Variants in PLCB4 observed in about 807,000 individuals in gnomAD.
PLCB4 encodes phospholipase C beta 4, also known as 1-phosphatidylinositol 4,5-bisphosphate phosphodiesterase beta-4.
A neutral mutation model predicts 178.8 loss-of-function variants in PLCB4; 77 were observed. That is an observed-to-expected ratio of 0.43 (90% confidence interval 0.36 to 0.52). The LOEUF is 0.52. PLCB4 is among the 20% of genes least tolerant of loss of function. The pLI, the probability that PLCB4 is intolerant of heterozygous loss-of-function variation, is 0.00. For missense variants in PLCB4, 1,024 were observed against 1,453.4 expected (o/e 0.70, Z 4.80); for synonymous variants, 496 against 490.8 (o/e 1.01, Z -0.14).
intron 27 of PLCB4, among the ~76,000 whole-genome samples, chr20:9,421,889 C>G (rs964244764): frequency 6.6e-6 from 1 of 152,190 alleles, no homozygotes; most frequent in Admixed American, 6.5e-5. Context: ...TCCTGTCTCT[C>G]CTGAAAGAGT....
At chr20:9,107,562 C>G (rs998372115) in intron 2 of PLCB4, among the ~76,000 whole-genome samples, 1 of 152,042 alleles carries the variant, frequency 6.6e-6, no homozygotes, top group African/African-American at 2.4e-5. Context: ...ATGCCAATGC[C>G]ATAAGGCAGA....
intron 3 of PLCB4, among the ~76,000 whole-genome samples, chr20:9,227,218 A>G (rs1355721795): frequency 6.6e-6 from 1 of 151,480 alleles, no homozygotes; most frequent in East Asian, 1.9e-4. Context: ...TCCTTTTCAG[A>G]TATATGACTT....
chr20:9,093,137 G>A (rs1318823727), intron 1 of PLCB4, among the ~76,000 whole-genome samples: 1 of 152,116 alleles, frequency 6.6e-6, no homozygotes, highest in Non-Finnish European at 1.5e-5. Flanking sequence ...ATATACCATT[G>A]CAAATTTAAT....
chr20:9,391,833 A>G (rs2038172200), intron 17 of PLCB4, among the ~76,000 whole-genome samples: 1 of 152,098 alleles, frequency 6.6e-6, no homozygotes. Context: ...AGGTGGGATA[A>G]CCCTGAGCAC....
At chr20:9,378,783 T>C (rs1165258418) in intron 12 of PLCB4, among the ~76,000 whole-genome samples, 2 of 152,126 alleles carry the variant, frequency 1.3e-5, no homozygotes, top group Non-Finnish European at 2.9e-5. Flanking sequence ...TGCTCTTAAC[T>C]CGGTGGGGGA....
chr20:9,144,704 G>GA (rs1231259751), intron 2 of PLCB4, among the ~76,000 whole-genome samples: 56 of 42,472 alleles, frequency 1.3e-3, no homozygotes, highest in African/African-American at 4.6e-3. Context: ...GGGGAAGGAG[G>GA]GGAAGAAGGG....
intron 8 of PLCB4, among the ~76,000 whole-genome samples, chr20:9,364,865 A>G (rs923391262): frequency 3.3e-5 from 5 of 152,210 alleles, no homozygotes; most frequent in Non-Finnish European, 5.9e-5. Context: ...GGAATTTTTC[A>G]CCATCAATTT....
At position 9,289,708 on chromosome 20, in the gene PLCB4, C is replaced by T. The variant is rs563937246; in HGVS notation, c.-15-18092C>T. Among the ~76,000 whole-genome samples, 7 of 152,084 alleles carry T rather than the reference C, an allele frequency of 4.6e-5. No homozygotes were observed. In the South Asian group the frequency reaches 6.2e-4, roughly 14 times the overall value. Reference sequence around the variant, plus strand: ...TTTTTACTTGAAATTAAGGAACTTTCGTCATGAGAACCAAGGTCAGACAAT... The same window carrying T: ...TTTTTACTTGAAATTAAGGAACTTTTGTCATGAGAACCAAGGTCAGACAAT... On this transcript the variant is annotated intron_variant, in intron 3 of 39. Transcript: ENST00000378473.
chr20:9,159,347 T>C (rs1166765726), intron 2 of PLCB4, among the ~76,000 whole-genome samples: 1 of 152,208 alleles, frequency 6.6e-6, no homozygotes, highest in African/African-American at 2.4e-5. Context: ...TAGTGTCCCT[T>C]TGTTACCAAG....
chr20:9,167,597 T>G (rs2092994155), intron 2 of PLCB4, among the ~76,000 whole-genome samples: 1 of 152,200 alleles, frequency 6.6e-6, no homozygotes, highest in Non-Finnish European at 1.5e-5. Flanking sequence ...TAAAATTCCT[T>G]TCTGAAATCA....
In PLCB4 at chr20:9,177,699, T is replaced by C. The variant is rs73091695; in HGVS notation, c.-78-39691T>C. Among the ~76,000 whole-genome samples, 1,419 of 152,322 alleles carry C rather than the reference T, an allele frequency of 9.3e-3. 16 individuals are homozygous for C. Among genetic ancestry groups the C allele is most frequent in the Non-Finnish European group, 0.015 (1,004 of 68,034 alleles). The stretch of plus-strand genomic sequence containing the variant: ...CAAAGACGTTTTGATTTGATCCTAC[T>C]TGTTTTCAAGATGACTTTAGGCATA... On this transcript the variant is annotated intron_variant, in intron 2 of 39. Coordinates refer to ENST00000378473, the MANE Select transcript of PLCB4 (RefSeq NM_001377142.1).
At chr20:9,094,453 G>A (rs1204318502) in intron 1 of PLCB4, among the ~76,000 whole-genome samples, 2 of 151,926 alleles carry the variant, frequency 1.3e-5, no homozygotes, top group African/African-American at 4.8e-5. Flanking sequence ...AAACAGAAAG[G>A]TTGTGATAGT....
rs75172207 is a variant in PLCB4 at position 9,308,687 on chromosome 20, G to A, written c.84+789G>A. 4.4e-3 allele frequency among the ~76,000 whole-genome samples: 663 copies of A among 152,268 alleles called. 1 individual carries two copies. The highest frequency in any genetic ancestry group is 7.2e-3 in the Non-Finnish European group (493 of 68,022). On this transcript the variant is annotated intron_variant, in intron 4 of 39. Transcript: ENST00000378473. ...GCTGATCTTCCCAGAGATCCAGATT[G>A]TCAGATGCAGAAACTAGGTCTTCTG...
At chr20:9,426,454 C>A (rs1282768469) in intron 28 of PLCB4, among the ~76,000 whole-genome samples, 1 of 152,128 alleles carries the variant, frequency 6.6e-6, no homozygotes, top group Non-Finnish European at 1.5e-5. Flanking sequence ...TCTCGGCTCA[C>A]TGCAACCTCC....
chr20:9,408,517 T>C, intron 22 of PLCB4, 116 bp from the exon 23 acceptor site: 2 of 585,840 alleles, frequency 3.4e-6, no homozygotes, highest in Non-Finnish European at 6.3e-6. Flanking sequence ...CATGATAATG[T>C]AGCATTAGCC....
At chr20:9,104,379 A>C (rs1019093944) in intron 2 of PLCB4, among the ~76,000 whole-genome samples, 6 of 152,118 alleles carry the variant, frequency 3.9e-5, no homozygotes, top group Non-Finnish European at 7.4e-5. Context: ...GATTATAGTC[A>C]AGCAGCCACA....
At chr20:9,246,261 C>T (rs570524794) in intron 3 of PLCB4, among the ~76,000 whole-genome samples, 2 of 152,222 alleles carry the variant, frequency 1.3e-5, no homozygotes, top group South Asian at 4.1e-4. Context: ...AAAACATAAT[C>T]TCTATGCTCT....
rs150431289 is a variant in PLCB4 at position 9,465,099 on chromosome 20, G to A, written c.3249-3472G>A. Reference sequence around the variant, plus strand: ...AAAGCTTAACCACCATGATCATGTCGGCTTCATCCCTGGGATGCAAGTCTG... The same window carrying A: ...AAAGCTTAACCACCATGATCATGTCAGCTTCATCCCTGGGATGCAAGTCTG... On this transcript the variant is annotated intron_variant, in intron 35 of 39. Transcript: ENST00000378473. Among the ~76,000 whole-genome samples, 1,175 of 152,136 alleles carry A rather than the reference G, an allele frequency of 7.7e-3. 16 individuals carry two copies. The highest frequency in any genetic ancestry group is 0.027 in the African/African-American group (1,106 of 41,494).
chr20:9,361,458 A>T (rs149500382), intron 7 of PLCB4, among the ~76,000 whole-genome samples: 129 of 152,302 alleles, frequency 8.5e-4, no homozygotes, highest in Non-Finnish European at 1.4e-3. Context: ...GGAGAATGGT[A>T]TTAATATTTA....
Sources: allele counts gnomAD v4.1 joint callset (sites outside exome capture counted in the v4.1 genomes callset), GRCh38; gene constraint gnomAD v4.1.1; transcripts MANE v1.5; gene names NCBI Gene and HGNC (gene_info 2026-07-23, HGNC 2026-07-21).